The following ST6GALNAC3 variants were observed in gnomAD, a reference collection of about 807,000 sequenced individuals.
ST6GALNAC3 encodes the protein ST6 N-acetylgalactosaminide alpha-2,6-sialyltransferase 3.
ST6GALNAC3 carries 25 observed loss-of-function variants against 32.7 expected under a neutral mutation model. That is an observed-to-expected ratio of 0.76 (90% confidence interval 0.56 to 1.07). The LOEUF (loss-of-function observed/expected upper bound fraction) is 1.07, where lower values mean the gene tolerates loss of function less well. ST6GALNAC3 is among the 50% of genes least tolerant of loss of function. The pLI is 0.00. For missense variants in ST6GALNAC3, 355 were observed against 382.4 expected (o/e 0.93, Z 0.60); for synonymous variants, 129 against 133.1 (o/e 0.97, Z 0.21).
chr1:76,447,692 G>A lies in ST6GALNAC3; in HGVS notation c.623+35275G>A, dbSNP rs144012987. Among the ~76,000 whole-genome samples, 237 of 152,240 alleles carry A rather than the reference G, an allele frequency of 1.6e-3. 1 individual carries two copies. The highest frequency in any genetic ancestry group is 0.014 in the Middle Eastern group (4 of 294). On this transcript the variant is annotated intron_variant, in intron 3 of 4. Transcript: ENST00000328299. The stretch of plus-strand genomic sequence containing the variant: ...CCAGCTGCTCCAGCATGGCTAAAAG[G>A]GATCAATGTACAGCTTGGGCAGTTG...
intron 3 of ST6GALNAC3, among the ~76,000 whole-genome samples, chr1:76,574,134 T>G (rs1193369309): frequency 1.3e-5 from 2 of 152,084 alleles, no homozygotes; most frequent in Non-Finnish European, 2.9e-5. Flanking sequence ...ACTTGACAAT[T>G]CAATACAAAG....
chr1:76,079,121 C>G (rs974057752), intron 1 of ST6GALNAC3, among the ~76,000 whole-genome samples: 19 of 152,178 alleles, frequency 1.2e-4, no homozygotes, highest in Non-Finnish European at 2.9e-5. Flanking sequence ...CTGATGTCTT[C>G]TTGGGCCCCA....
At chr1:76,549,875 T>A (rs1258651012) in intron 3 of ST6GALNAC3, among the ~76,000 whole-genome samples, 1 of 152,318 alleles carries the variant, frequency 6.6e-6, no homozygotes, top group East Asian at 1.9e-4. Flanking sequence ...TCTGTATCAA[T>A]CTTTTAGTGT....
intron 1 of ST6GALNAC3, among the ~76,000 whole-genome samples, chr1:76,287,044 A>G (rs891711547): frequency 6.6e-6 from 1 of 152,096 alleles, no homozygotes; most frequent in Non-Finnish European, 1.5e-5. Flanking sequence ...GATAGTTGTT[A>G]GAAGAAATTG....
intron 1 of ST6GALNAC3, among the ~76,000 whole-genome samples, chr1:76,287,800 A>G (rs1247544021): frequency 3.3e-5 from 5 of 152,186 alleles, no homozygotes; most frequent in Non-Finnish European, 5.9e-5. Flanking sequence ...TCTTGATTAT[A>G]TGCACCTTTG....
chr1:76,170,002 T>G (rs1218923273), intron 1 of ST6GALNAC3, among the ~76,000 whole-genome samples: 1 of 152,214 alleles, frequency 6.6e-6, no homozygotes, highest in East Asian at 1.9e-4. Flanking sequence ...TTGAGGTTGC[T>G]GACCTTCAGA....
At chr1:76,143,381 T>C (rs1650455623) in intron 1 of ST6GALNAC3, among the ~76,000 whole-genome samples, 2 of 141,830 alleles carry the variant, frequency 1.4e-5, no homozygotes, top group African/African-American at 5.1e-5. Context: ...ACTTTGGACT[T>C]CTTACCAAGT....
chr1:76,189,567 A>G (rs1433217805), intron 1 of ST6GALNAC3, among the ~76,000 whole-genome samples: 1 of 139,608 alleles, frequency 7.2e-6, no homozygotes, highest in East Asian at 2.5e-4. Context: ...AGAGAGTAGA[A>G]TGACTAATAA....
chr1:76,404,228 T>C (rs112956976), intron 2 of ST6GALNAC3, among the ~76,000 whole-genome samples: 2 of 152,070 alleles, frequency 1.3e-5, no homozygotes, highest in African/African-American at 4.8e-5. Flanking sequence ...AATCTGTCTT[T>C]TTATGTGCTG....
chr1:76,385,054 C>T (rs1007263652), intron 2 of ST6GALNAC3, among the ~76,000 whole-genome samples: 8 of 151,828 alleles, frequency 5.3e-5, no homozygotes, highest in South Asian at 4.2e-4. Context: ...TAAAATTAAG[C>T]GATAGTGATA....
chr1:76,618,144 C>A (rs979961945), intron 3 of ST6GALNAC3, among the ~76,000 whole-genome samples: 1 of 152,162 alleles, frequency 6.6e-6, no homozygotes, highest in Non-Finnish European at 1.5e-5. Flanking sequence ...CCTACGCCTA[C>A]CTAGACCAAT....
intron 3 of ST6GALNAC3, among the ~76,000 whole-genome samples, chr1:76,524,957 C>T (rs1662774998): frequency 6.6e-6 from 1 of 151,586 alleles, no homozygotes; most frequent in Admixed American, 6.6e-5. Context: ...AAAAAAATCC[C>T]ACATGAAAAG....
At position 76,494,429 on chromosome 1, in the gene ST6GALNAC3, G is replaced by GTGTA. The variant is rs1434515507; in HGVS notation, c.623+82013_623+82014insGTAT. Among the ~76,000 whole-genome samples the GTGTA allele has an allele frequency of 1.9e-4, 10 of 53,438 alleles. 1 individual carries two copies. Among genetic ancestry groups the GTGTA allele is most frequent in the African/African-American group, 4.4e-4 (7 of 15,856 alleles). The allele number at this position is 53,438 out of a possible 152,430, so 35.1% of individuals were successfully genotyped here. On this transcript the variant is annotated intron_variant, in intron 3 of 4. Coordinates refer to ENST00000328299, the MANE Select transcript of ST6GALNAC3 (RefSeq NM_152996.4). Reference sequence around the variant, plus strand: ...TAGGACTAATAGGATGTGTGCATGTGTATATATATATATATATATATATAT... The same window carrying GTGTA: ...TAGGACTAATAGGATGTGTGCATGTGTGTATATATATATATATATATATATATAT...
At chr1:76,139,770 G>A (rs764032656) in intron 1 of ST6GALNAC3, among the ~76,000 whole-genome samples, 2 of 152,128 alleles carry the variant, frequency 1.3e-5, no homozygotes, top group Non-Finnish European at 2.9e-5. Context: ...CTAATCAGCC[G>A]GGCAAGTCAC....
intron 3 of ST6GALNAC3, among the ~76,000 whole-genome samples, chr1:76,512,415 A>G (rs1661920322): frequency 6.6e-6 from 1 of 151,966 alleles, no homozygotes; most frequent in Non-Finnish European, 1.5e-5. Flanking sequence ...TTATTCTACC[A>G]CTTGAGTTTT....
At chr1:76,379,893 C>A (rs1046923920) in intron 2 of ST6GALNAC3, among the ~76,000 whole-genome samples, 1 of 151,972 alleles carries the variant, frequency 6.6e-6, no homozygotes, top group Non-Finnish European at 1.5e-5. Context: ...TTTGATGAGG[C>A]GAAACAGGAG....
At position 76,629,007 on chromosome 1, in the gene ST6GALNAC3, G is replaced by C. The variant is rs1054972095; in HGVS notation, c.*201G>C. The stretch of plus-strand genomic sequence containing the variant: ...CATGGAGGATGGTTGTGCTCATGAT[G>C]TTCTTTCTGGAGGTTCAACACTACG... On this transcript the variant is annotated 3_prime_UTR_variant, in exon 5 of 5. Transcript: ENST00000328299. 2.4e-5 allele frequency: 33 copies of C among 1,378,998 alleles called. No individual in the cohort carries two copies. Among genetic ancestry groups the C allele is most frequent in the Non-Finnish European group, 3.0e-5 (32 of 1,072,148 alleles). 85.4% of individuals were successfully genotyped at this position (1,378,998 alleles called of 1,614,324 possible).
At chr1:76,475,912 A>G (rs1160144474) in intron 3 of ST6GALNAC3, among the ~76,000 whole-genome samples, 6 of 151,980 alleles carry the variant, frequency 3.9e-5, no homozygotes, top group East Asian at 1.9e-4. Context: ...TTCTGTTCTC[A>G]TTGTTCAACT....
intron 1 of ST6GALNAC3, among the ~76,000 whole-genome samples, chr1:76,279,657 G>C (rs1203718586): frequency 6.6e-6 from 1 of 152,168 alleles, no homozygotes; most frequent in Non-Finnish European, 1.5e-5. Flanking sequence ...TCTGCCGGCA[G>C]CTGCCGGAGG....
Sources: gnomAD v4.1 joint callset for allele counts (sites outside exome capture counted in the v4.1 genomes callset) on GRCh38, gnomAD v4.1.1 for gene constraint, MANE v1.5 for transcripts, NCBI Gene and HGNC (gene_info 2026-07-23, HGNC 2026-07-21) for gene names.